The following CACNA1G variants were observed in gnomAD, a reference collection of about 807,000 sequenced individuals.
The protein encoded by CACNA1G is calcium voltage-gated channel subunit alpha1 G, also known as voltage-dependent T-type calcium channel subunit alpha-1G.
Under a neutral mutation model 219.4 loss-of-function variants are expected in CACNA1G, and 67 were observed. That is an observed-to-expected ratio of 0.31 (90% CI 0.25 to 0.37). The LOEUF is 0.37. CACNA1G is among the 10% of genes least tolerant of loss of function. The pLI is 1.00. For synonymous variants in CACNA1G, 1,296 were observed against 1,345.3 expected (o/e 0.96, Z 0.80); for missense variants, 2,380 against 3,231.4 (o/e 0.74, Z 6.39).
chr17:50,623,190 G>C (rs903354700), intron 35 of CACNA1G, among the ~76,000 whole-genome samples: 2 of 139,804 alleles, frequency 1.4e-5, no homozygotes, highest in Admixed American at 1.5e-4. Context: ...TGACCCCCCC[G>C]GCTCAAGCAA....
At position 50,623,956 on chromosome 17, in the gene CACNA1G, G is replaced by A. The variant is rs747053946; in HGVS notation, c.6110G>A (p.Arg2037Gln). ...ELPGPDLLTV[R>Q]KSGVSRTHSL... ...CCAGGACCAGACTTACTGACTGTGCGGAAGTCTGGGGTCAGCCGAACGCAC... is the reference window on the plus strand; with the variant it reads ...CCAGGACCAGACTTACTGACTGTGCAGAAGTCTGGGGTCAGCCGAACGCAC... The change falls in exon 36 of 38, where the codon CGG becomes CAG. Residue 2037 changes from arginine to glutamine, a missense_variant. By Grantham distance (43) the Arg-to-Gln change is conservative. Transcript: ENST00000359106. 1.2e-5 allele frequency: 19 copies of A among 1,613,214 alleles called. No individual in the cohort carries two copies. Among genetic ancestry groups the A allele is most frequent in the African/African-American group, 4.0e-5 (3 of 74,926 alleles).
chr17:50,576,883 G>A (rs549187215), intron 8 of CACNA1G, among the ~76,000 whole-genome samples: 7 of 152,300 alleles, frequency 4.6e-5, no homozygotes, highest in African/African-American at 1.4e-4. Context: ...CATTGCCTCC[G>A]CACAGGGAGA....
At position 50,627,080 on chromosome 17, in the gene CACNA1G, G is replaced by A. The variant is rs979598228; in HGVS notation, c.*329G>A. 3.8e-5 allele frequency: 19 copies of A among 498,316 alleles called. No homozygotes were observed. The highest frequency in any genetic ancestry group is 7.0e-5 in the Non-Finnish European group (18 of 256,924). 30.9% of individuals were successfully genotyped at this position (498,316 alleles called of 1,614,324 possible). ...AATTAATTGAATCTAGTATATGCGGGATGTACGACATTTTGTGACTGAAGA... is the reference window on the plus strand; with the variant it reads ...AATTAATTGAATCTAGTATATGCGGAATGTACGACATTTTGTGACTGAAGA... On this transcript the variant is annotated 3_prime_UTR_variant, in exon 38 of 38. Transcript: ENST00000359106.
At position 50,592,124 on chromosome 17, in the gene CACNA1G, C is replaced by T. The variant is rs759846051; in HGVS notation, c.2910+32C>T. On this transcript the variant is annotated intron_variant, in intron 13 of 37. Transcript: ENST00000359106. ...CACTGCTCTGCCCACCTCACCCTGC[C>T]CACAGCAGTCCCACTTCCAATTGGC... 8.2e-6 allele frequency: 13 copies of T among 1,577,234 alleles called. No homozygotes were observed. In the South Asian group the frequency reaches 1.5e-4, roughly 18 times the overall value.
chr17:50,589,485 C>T (rs938503598), intron 9 of CACNA1G, among the ~76,000 whole-genome samples: 2 of 152,204 alleles, frequency 1.3e-5, no homozygotes, highest in Non-Finnish European at 2.9e-5. Flanking sequence ...CACTGAGCTC[C>T]TGGGAGGCGG....
rs759087443 is a variant in CACNA1G at position 50,561,707 on chromosome 17, C to T, written c.242+6C>T. The T allele has an allele frequency of 3.2e-6, 5 of 1,565,836 alleles. No homozygotes were observed. In the South Asian group the frequency reaches 3.5e-5, roughly 11 times the overall value. On this transcript the variant is annotated splice_donor_region_variant and intron_variant, in intron 1 of 37. Coordinates refer to ENST00000359106, the MANE Select transcript of CACNA1G (RefSeq NM_018896.5). ...CTCCGCACGGTCTGTAACCCATATC[C>T]TTCGGGGCACGACGGCCAGGCGCGG...
Position 50,596,832 on chromosome 17 carries a change from C to CGGGCCT in CACNA1G, c.3172_3177dup (p.Leu1058_Gly1059dup), listed in dbSNP as rs767788598. 2 of 1,607,608 alleles carry CGGGCCT rather than the reference C, an allele frequency of 1.2e-6. No individual in the cohort carries two copies. Among genetic ancestry groups the CGGGCCT allele is most frequent in the Admixed American group, 3.4e-5 (2 of 59,538 alleles). On this transcript the variant is annotated inframe_insertion, in exon 16 of 38. Transcript: ENST00000359106. The surrounding 1 kb of genome is among the most constrained non-coding windows in gnomAD (Gnocchi z 4.8). Reference sequence around the variant, plus strand: ...ATGTCGCTGCCCAAGAGCACCAGCACGGGCCTGGGCGAGGCGCTGGGCCCT... The same window carrying CGGGCCT: ...ATGTCGCTGCCCAAGAGCACCAGCACGGGCCTGGGCCTGGGCGAGGCGCTGGGCCCT...
intron 25 of CACNA1G, among the ~76,000 whole-genome samples, chr17:50,608,373 G>T (rs2048392669): frequency 1.3e-5 from 2 of 151,966 alleles, no homozygotes; most frequent in Non-Finnish European, 2.9e-5. Flanking sequence ...AGCATCCAGA[G>T]GCCCAGGGTG....
chr17:50,607,492 C>T, intron 24 of CACNA1G: 1 of 230,956 alleles, frequency 4.3e-6, no homozygotes, highest in South Asian at 4.4e-5. Flanking sequence ...GACCCTGTCT[C>T]TAAAAAAAGA....
intron 13 of CACNA1G, 63 bp from the exon 14 acceptor site, chr17:50,594,930 A>G (rs1217252661): frequency 3.9e-6 from 5 of 1,274,600 alleles, no homozygotes; most frequent in Non-Finnish European, 4.4e-6. Context: ...GACACTGCCG[A>G]TATCTGAAGG....
In CACNA1G at chr17:50,561,544, G is replaced by C; in HGVS notation, c.85G>C (p.Gly29Arg). Residue 29 changes from glycine (G) to arginine (R), a missense_variant, in exon 1 of 38, where the codon GGG becomes CGG. Gly to Arg is a moderately radical substitution (Grantham distance 125, BLOSUM62 -2). Around this residue, in one of 17 missense-constraint regions of CACNA1G, gnomAD observed 98 missense variants for 85.5 expected, o/e 1.15. Coordinates refer to ENST00000359106, the MANE Select transcript of CACNA1G (RefSeq NM_018896.5). ...FMRLNDLSGA[G>R]GRPGPGSAEK... ...GCGGCTCAACGACCTGTCGGGGGCC[G>C]GGGGCCGGCCGGGGCCGGGGTCAGC... is the stretch of plus-strand genomic sequence containing the variant. The C allele has an allele frequency of 6.5e-7, 1 of 1,537,488 alleles. No homozygotes were observed. Among genetic ancestry groups the C allele is most frequent in the Non-Finnish European group, 8.7e-7 (1 of 1,144,988 alleles).
At position 50,617,762 on chromosome 17, in the gene CACNA1G, C is replaced by A; in HGVS notation, c.5156-97C>A. Reference sequence around the variant, plus strand: ...GCAACCTGGCTGGCCCGGAGATGGCCATCCCAGCAGCCCCAGCCCAGCCCT... The same window carrying A: ...GCAACCTGGCTGGCCCGGAGATGGCAATCCCAGCAGCCCCAGCCCAGCCCT... On this transcript the variant is annotated intron_variant, in intron 29 of 37. Transcript: ENST00000359106. The surrounding 1 kb of genome is among the most constrained non-coding windows in gnomAD (Gnocchi z 5.8). 1.4e-6 allele frequency: 2 copies of A among 1,471,590 alleles called. No homozygotes were observed. The highest frequency in any genetic ancestry group is 1.9e-6 in the Non-Finnish European group (2 of 1,072,294). 91.2% of individuals were successfully genotyped at this position (1,471,590 alleles called of 1,614,324 possible).
chr17:50,592,154 T>A, intron 13 of CACNA1G, 62 bp downstream of exon 13: 1 of 1,526,294 alleles, frequency 6.6e-7, no homozygotes, highest in Middle Eastern at 1.8e-4. Flanking sequence ...ATTGGCTGCC[T>A]GTCTTGAGCC....
intron 9 of CACNA1G, among the ~76,000 whole-genome samples, chr17:50,581,278 C>T (rs1008827559): frequency 6.6e-6 from 1 of 151,412 alleles, no homozygotes; most frequent in Non-Finnish European, 1.5e-5. Flanking sequence ...AGGGCAGAGA[C>T]GGGGTGGGAT....
At position 50,599,455 on chromosome 17, in the gene CACNA1G, C is replaced by A. The variant is rs374350292; in HGVS notation, c.3286C>A (p.Pro1096Thr). The A allele has an allele frequency of 6.8e-5, 107 of 1,567,632 alleles. No individual in the cohort carries two copies. Among genetic ancestry groups the A allele is most frequent in the Non-Finnish European group, 9.1e-5 (105 of 1,158,014 alleles). ...CAGCGCCCGCAGCTCTCCGCACAGC[C>A]CCTGGAGCGCTGCAAGCAGCTGGAC... is the stretch of plus-strand genomic sequence containing the variant. ...PPSARSSPHS[P>T]WSAASSWTSR... Residue 1096 changes from proline to threonine, a missense_variant, in exon 17 of 38, where the codon CCC becomes ACC. By Grantham distance (38) the Pro-to-Thr change is conservative. This residue lies in a region of CACNA1G where 418 missense variants were observed against 434.3 expected (regional missense o/e 0.96). Transcript: ENST00000359106.
Position 50,615,368 on chromosome 17 carries a change from G to A in CACNA1G, c.4767G>A (p.Gln1589=). ...GSSASAASEA[Q]CKPYYSDYSR... ...TTCCCCCTGCCCCATCAGAAGCCCA[G>A]TGCAAACCTTACTACTCCGACTACT... Residue 1589 remains glutamine (Q), a synonymous_variant, in exon 27 of 38, where the codon CAG becomes CAA. Transcript: ENST00000359106. The A allele has an allele frequency of 1.9e-6, 3 of 1,602,978 alleles. No individual in the cohort carries two copies. Among genetic ancestry groups the A allele is most frequent in the Non-Finnish European group, 2.6e-6 (3 of 1,172,058 alleles).
chr17:50,626,965 GCC>G lies in CACNA1G; in HGVS notation c.*216_*217del. 1 of 701,746 alleles carries G rather than the reference GCC, an allele frequency of 1.4e-6. No individual in the cohort carries two copies. Among genetic ancestry groups the G allele is most frequent in the Middle Eastern group, 3.7e-4 (1 of 2,730 alleles). 43.5% of individuals were successfully genotyped at this position (701,746 alleles called of 1,614,324 possible). A position where few individuals can be genotyped will look rare whatever the true frequency, so the allele number is the denominator to read the frequency against. On this transcript the variant is annotated 3_prime_UTR_variant, in exon 38 of 38. Coordinates refer to ENST00000359106, the MANE Select transcript of CACNA1G (RefSeq NM_018896.5). This position sits in a 1 kb window ranked among gnomAD's most constrained non-coding sequence, Gnocchi z 4.3. ...ACTCTGGCTCCAGGCAGAAGGAGAGGCCCGGTGCAGCTGAGGTTCCCGACACC... is the reference window on the plus strand; with the variant it reads ...ACTCTGGCTCCAGGCAGAAGGAGAGGCGGTGCAGCTGAGGTTCCCGACACC...
chr17:50,619,084 A>G (rs2051156296), intron 33 of CACNA1G, 76 bp downstream of exon 33: 2 of 1,184,360 alleles, frequency 1.7e-6, no homozygotes, highest in East Asian at 5.1e-5. Context: ...GCGGGAGCCA[A>G]GCGGGCAGCA....
chr17:50,600,677 G>T lies in CACNA1G; in HGVS notation c.3691-49G>T. The T allele has an allele frequency of 6.6e-7, 1 of 1,522,296 alleles. No homozygotes were observed. Among genetic ancestry groups the T allele is most frequent in the Non-Finnish European group, 9.1e-7 (1 of 1,097,372 alleles). 94.3% of individuals were successfully genotyped at this position (1,522,296 alleles called of 1,614,324 possible). On this transcript the variant is annotated intron_variant, in intron 17 of 37. Transcript: ENST00000359106. The surrounding 1 kb of genome is among the most constrained non-coding windows in gnomAD (Gnocchi z 4.1). The stretch of plus-strand genomic sequence containing the variant: ...GACTCTGCTGAGGAGCCAGGAGCCG[G>T]GGAACCTGGAGGCCTGGTCCTGCTC...
Sources: gnomAD v4.1 joint callset for allele counts (sites outside exome capture counted in the v4.1 genomes callset) on GRCh38, gnomAD v4.1.1 for gene constraint, gnomAD v4.1.1 regional missense constraint, Gnocchi (gnomAD v3.1) non-coding constraint, MANE v1.5 for transcripts, NCBI Gene and HGNC (gene_info 2026-07-23, HGNC 2026-07-21) for gene names.